Variants in ULK4 observed in about 807,000 individuals in gnomAD.
ULK4 encodes unc-51 like kinase 4, also known as inactive serine/threonine-protein kinase ULK4.
ULK4 carries 133 observed loss-of-function variants against 160.6 expected under a neutral mutation model. That is an observed-to-expected ratio of 0.83 (90% CI 0.72 to 0.96). ULK4 has a LOEUF of 0.96. Among genes scored for constraint, ULK4 ranks in the 40% least tolerant of loss-of-function variants. ULK4 has a pLI of 0.00. For synonymous variants in ULK4, 534 were observed against 539.8 expected (o/e 0.99, Z 0.15); for missense variants, 1,580 against 1,499.5 (o/e 1.05, Z -0.89).
At chr3:41,727,738 A>T (rs1323677425) in intron 22 of ULK4, among the ~76,000 whole-genome samples, 4 of 151,386 alleles carry the variant, frequency 2.6e-5, no homozygotes, top group East Asian at 1.9e-4. Flanking sequence ...ACATGTGGTT[A>T]AAAAAAAACA....
chr3:41,298,891 G>A (rs763543573), intron 35 of ULK4, among the ~76,000 whole-genome samples: 4 of 152,202 alleles, frequency 2.6e-5, no homozygotes, highest in Non-Finnish European at 5.9e-5. Context: ...GTCATTGAAG[G>A]TGATAAGGAA....
In ULK4 at chr3:41,800,231, A is replaced by G. The variant is rs1226669631; in HGVS notation, c.1911T>C (p.Ser637=). 6.2e-7 allele frequency: 1 copy of G among 1,613,912 alleles called. No individual in the cohort carries two copies. The highest frequency in any genetic ancestry group is 1.7e-5 in the Admixed American group (1 of 59,966). The change falls in exon 20 of 37, where the codon TCT becomes TCC. Residue 637 remains serine, a synonymous_variant. Coordinates refer to ENST00000301831, the MANE Select transcript of ULK4 (RefSeq NM_017886.4). ...KIIENVCTTF[S]AQSQGFITGE... is the part of the protein sequence containing the mutation. ...CTGTAATAAAGCCCTGGGACTGAGC[A>G]GAAAAGGTGGTACAGACATTTTCAA...
rs1697132921 is a variant in ULK4 at position 41,872,484 on chromosome 3, A to AGT, written c.1656+11388_1656+11389dup. ...ACCTCAGTTCCTTGCCCCAGGAAGAAGTCACTTTCTGCCTAAACTCTATGC... is the reference window on the plus strand; with the variant it reads ...ACCTCAGTTCCTTGCCCCAGGAAGAAGTGTCACTTTCTGCCTAAACTCTATGC... On this transcript the variant is annotated intron_variant, in intron 17 of 36. Coordinates refer to ENST00000301831, the MANE Select transcript of ULK4 (RefSeq NM_017886.4). Among the ~76,000 whole-genome samples, 3 of 152,318 alleles carry AGT rather than the reference A, an allele frequency of 2.0e-5. No homozygotes were observed. In the South Asian group the frequency reaches 6.2e-4, roughly 32 times the overall value.
chr3:41,936,515 C>T (rs1398677527), intron 3 of ULK4, among the ~76,000 whole-genome samples: 1 of 152,106 alleles, frequency 6.6e-6, no homozygotes, highest in South Asian at 2.1e-4. Flanking sequence ...AAGATTACAA[C>T]AGCCAATCCA....
chr3:41,420,470 TCTTTC>T (rs1447751807), intron 34 of ULK4, among the ~76,000 whole-genome samples: 5 of 122,816 alleles, frequency 4.1e-5, no homozygotes, highest in African/African-American at 1.4e-4. Context: ...GTTTTCCAGT[TCTTTC>T]TTTTTTTTTT....
intron 17 of ULK4, among the ~76,000 whole-genome samples, chr3:41,872,595 G>A (rs533852867): frequency 4.6e-5 from 7 of 152,220 alleles, no homozygotes; most frequent in East Asian, 1.9e-4. Context: ...CTTTCAGGTA[G>A]TGTGTTGCCT....
intron 30 of ULK4, among the ~76,000 whole-genome samples, chr3:41,638,051 G>T (rs2034029331): frequency 6.6e-6 from 1 of 151,996 alleles, no homozygotes; most frequent in South Asian, 2.1e-4. Flanking sequence ...AATCCCATTT[G>T]TCCATTTTTG....
chr3:41,647,518 A>T (rs2034555825), intron 30 of ULK4, among the ~76,000 whole-genome samples: 1 of 152,216 alleles, frequency 6.6e-6, no homozygotes, highest in Non-Finnish European at 1.5e-5. Flanking sequence ...GATTTTCGCG[A>T]ACCACAAATG....
chr3:41,596,400 T>C (rs982793982), intron 31 of ULK4, among the ~76,000 whole-genome samples: 1 of 152,132 alleles, frequency 6.6e-6, no homozygotes, highest in Non-Finnish European at 1.5e-5. Flanking sequence ...ATAAAAGCTG[T>C]TGCTCTGGCA....
intron 32 of ULK4, among the ~76,000 whole-genome samples, chr3:41,516,994 A>G (rs577383629): frequency 6.6e-6 from 1 of 152,326 alleles, no homozygotes; most frequent in South Asian, 2.1e-4. Context: ...ACCTGTATCC[A>G]AAGTATACAA....
chr3:41,627,031 T>G (rs979524421), intron 30 of ULK4, among the ~76,000 whole-genome samples: 2 of 152,210 alleles, frequency 1.3e-5, no homozygotes, highest in Non-Finnish European at 2.9e-5. Context: ...TTCATTTATA[T>G]TCAGAGAGAT....
intron 32 of ULK4, among the ~76,000 whole-genome samples, chr3:41,561,200 C>A (rs1043852257): frequency 4.6e-5 from 7 of 152,148 alleles, no homozygotes; most frequent in Non-Finnish European, 8.8e-5. Flanking sequence ...AGCCTTGCAT[C>A]CCAGGGACGA....
chr3:41,412,046 AT>A (rs1310461575), intron 34 of ULK4, among the ~76,000 whole-genome samples: 1 of 152,208 alleles, frequency 6.6e-6, no homozygotes, highest in Non-Finnish European at 1.5e-5. Context: ...TATGTAGAAA[AT>A]CAGATGTAAT....
chr3:41,276,917 G>A (rs2079238544), intron 35 of ULK4, among the ~76,000 whole-genome samples: 1 of 152,014 alleles, frequency 6.6e-6, no homozygotes, highest in Non-Finnish European at 1.5e-5. Flanking sequence ...ACCTCACTAA[G>A]AAACAAAACA....
chr3:41,569,824 G>A (rs1050054841), intron 31 of ULK4, among the ~76,000 whole-genome samples: 12 of 151,736 alleles, frequency 7.9e-5, no homozygotes, highest in African/African-American at 1.7e-4. Flanking sequence ...AATGACTAAC[G>A]AATTTCCCAC....
intron 1 of ULK4, chr3:41,955,622 G>T: frequency 6.4e-6 from 1 of 156,930 alleles, no homozygotes; most frequent in South Asian, 1.8e-4. Flanking sequence ...GCGCGCCATG[G>T]AGTTGCTCAA....
In ULK4 at chr3:41,911,321, G is replaced by C; in HGVS notation, c.1081C>G (p.Leu361Val). 6.2e-7 allele frequency: 1 copy of C among 1,613,530 alleles called. No individual in the cohort carries two copies. ...EGQLNESMFL[L>V]SSRPTPRTST... ...CTCTTTTTTCATTTTACCTACCTGA[G>C]AAGAAACATGGATTCATTCAATTGA... Residue 361 changes from leucine (L) to valine (V), a missense_variant, in exon 11 of 37, where the codon CTC becomes GTC. Transcript: ENST00000301831.
In ULK4 at chr3:41,497,992, G is replaced by C. The variant is rs140390580; in HGVS notation, c.3227-34739C>G. On this transcript the variant is annotated intron_variant, in intron 32 of 36. Coordinates refer to ENST00000301831, the MANE Select transcript of ULK4 (RefSeq NM_017886.4). ...TACTTCTCTCAGAGACAGAAACATTGAAAAAAGAGCATATAGAAAATCAGC... is the reference window on the plus strand; with the variant it reads ...TACTTCTCTCAGAGACAGAAACATTCAAAAAAGAGCATATAGAAAATCAGC... Among the ~76,000 whole-genome samples, 255 of 152,032 alleles carry C rather than the reference G, an allele frequency of 1.7e-3. 1 individual carries two copies. In the Middle Eastern group the frequency reaches 0.017, roughly 10 times the overall value.
chr3:41,291,410 G>A (rs954505088), intron 35 of ULK4, among the ~76,000 whole-genome samples: 7 of 144,062 alleles, frequency 4.9e-5, no homozygotes, highest in African/African-American at 1.3e-4. Context: ...AAAGAATAAC[G>A]AAAGAAGGAA....
Sources: gnomAD v4.1 joint callset for allele counts (sites outside exome capture counted in the v4.1 genomes callset) on GRCh38, gnomAD v4.1.1 for gene constraint, MANE v1.5 for transcripts, NCBI Gene and HGNC (gene_info 2026-07-23, HGNC 2026-07-21) for gene names.